Variants in PCDH7 observed in about 807,000 individuals in gnomAD.
PCDH7 encodes the protein protocadherin-7.
In PCDH7, 17 loss-of-function variants were observed where a neutral mutation model predicts 58.9. The ratio of observed to expected loss-of-function variants is 0.29; its 90% CI spans 0.20 to 0.43. The LOEUF (loss-of-function observed/expected upper bound fraction) is 0.43, where lower values mean the gene tolerates loss of function less well. Ranked by LOEUF, PCDH7 falls within the 20% of genes least tolerant of loss-of-function variation. The pLI is 1.00. For synonymous variants in PCDH7, 664 were observed against 616.4 expected, an observed-to-expected ratio of 1.08 and a Z score of -1.14; for missense variants, 1,274 against 1,441.0, an observed-to-expected ratio of 0.88 and a Z score of 1.88.
intron 3 of PCDH7, among the ~76,000 whole-genome samples, chr4:31,109,462 T>C (rs1716013882): frequency 6.6e-6 from 1 of 152,248 alleles, no homozygotes. Context: ...TGTAAGAGGA[T>C]AAAGTCAAGT....
intron 3 of PCDH7, among the ~76,000 whole-genome samples, chr4:30,967,315 G>A (rs1749082916): frequency 6.6e-6 from 1 of 152,096 alleles, no homozygotes; most frequent in Non-Finnish European, 1.5e-5. Flanking sequence ...TTATAAAAGA[G>A]CCTAATAGCT....
chr4:30,999,602 A>G lies in PCDH7; in HGVS notation c.*7+49387A>G, dbSNP rs748012187. 2.4e-4 allele frequency among the ~76,000 whole-genome samples: 36 copies of G among 152,148 alleles called. 2 individuals carry two copies. The highest frequency in any genetic ancestry group is 1.8e-3 in the Admixed American group (28 of 15,266). On this transcript the variant is annotated intron_variant, in intron 3 of 3. Coordinates refer to the PCDH7 transcript ENST00000509759. ...AAAAATAGTTACTAAGGGAGTGCAGAAAAATGAGCAAGGGCCTTTTGTAAA... is the reference window on the plus strand; with the variant it reads ...AAAAATAGTTACTAAGGGAGTGCAGGAAAATGAGCAAGGGCCTTTTGTAAA...
chr4:30,752,109 C>T (rs1182751275), intron 1 of PCDH7, among the ~76,000 whole-genome samples: 1 of 151,920 alleles, frequency 6.6e-6, no homozygotes, highest in Non-Finnish European at 1.5e-5. Flanking sequence ...CTTTGCTTTT[C>T]TTTATTACTT....
chr4:30,776,508 G>GT (rs1207403909), intron 1 of PCDH7, among the ~76,000 whole-genome samples: 1 of 152,210 alleles, frequency 6.6e-6, no homozygotes, highest in Non-Finnish European at 1.5e-5. Flanking sequence ...AGAGATGACA[G>GT]TTTTGTCAAA....
intron 1 of PCDH7, among the ~76,000 whole-genome samples, chr4:30,799,927 C>A (rs1725307584): frequency 6.6e-6 from 1 of 151,484 alleles, no homozygotes; most frequent in Non-Finnish European, 1.5e-5. Context: ...AATCTTGGCT[C>A]ACTGCAACCT....
Position 30,722,799 on chromosome 4 carries a change from C to T in PCDH7, c.1377C>T (p.Thr459=). 4 of 1,613,674 alleles carry T rather than the reference C, an allele frequency of 2.5e-6. No homozygotes were observed. The highest frequency in any genetic ancestry group is 3.4e-6 in the Non-Finnish European group (4 of 1,180,040). ...ACCAAGGCGAGAACGGGGTGGTCAC[C>T]TGCACCGTGGTGGGCGACGTGCCCT... The change falls in exon 1 of 2, where the codon ACC becomes ACT. Residue 459 remains threonine (T), a synonymous_variant. Transcript: ENST00000361762. The surrounding 1 kb of genome is among the most constrained non-coding windows in gnomAD (Gnocchi z 7.6).
At chr4:31,054,252 C>T (rs1381095599) in intron 3 of PCDH7, among the ~76,000 whole-genome samples, 5 of 152,174 alleles carry the variant, frequency 3.3e-5, no homozygotes, top group African/African-American at 1.2e-4. Flanking sequence ...TGGCTTAAGC[C>T]ACCACGTCCG....
chr4:31,110,021 A>G lies in PCDH7; in HGVS notation c.*8-32452A>G, dbSNP rs111686877. ...AATCAGAAATGGAAAGTATACCTAGAACACCATAAGAATAGCATTTACTAA... is the reference window on the plus strand; with the variant it reads ...AATCAGAAATGGAAAGTATACCTAGGACACCATAAGAATAGCATTTACTAA... On this transcript the variant is annotated intron_variant, in intron 3 of 3. Coordinates refer to the PCDH7 transcript ENST00000509759. 8.5e-3 allele frequency among the ~76,000 whole-genome samples: 1,296 copies of G among 152,338 alleles called. 7 individuals are homozygous for G. Among genetic ancestry groups the G allele is most frequent in the South Asian group, 0.018 (89 of 4,826 alleles).
chr4:31,097,637 T>A lies in PCDH7; in HGVS notation c.*8-44836T>A, dbSNP rs1190529824. Among the ~76,000 whole-genome samples the A allele has an allele frequency of 5.9e-4, 53 of 89,290 alleles. 1 individual carries two copies. Among genetic ancestry groups the A allele is most frequent in the Non-Finnish European group, 8.5e-4 (41 of 48,396 alleles). 58.6% of individuals were successfully genotyped at this position (89,290 alleles called of 152,430 possible). A position where few individuals can be genotyped will look rare whatever the true frequency, so the allele number is the denominator to read the frequency against. On this transcript the variant is annotated intron_variant, in intron 3 of 3. Transcript: ENST00000509759. The stretch of plus-strand genomic sequence containing the variant: ...ATATATATATATATATATATATATA[T>A]AAATCTTTTTTCTGTAATTTCTGTA...
At chr4:30,749,668 A>G (rs764697344) in intron 1 of PCDH7, among the ~76,000 whole-genome samples, 14 of 152,186 alleles carry the variant, frequency 9.2e-5, no homozygotes, top group Non-Finnish European at 1.9e-4. Context: ...TATCACTTAC[A>G]TTTCATGTTA....
chr4:30,966,964 T>A (rs1749052660), intron 3 of PCDH7, among the ~76,000 whole-genome samples: 2 of 152,146 alleles, frequency 1.3e-5, no homozygotes, highest in Non-Finnish European at 2.9e-5. Context: ...ATGCCTCAGT[T>A]TCCTTATTGC....
intron 3 of PCDH7, among the ~76,000 whole-genome samples, chr4:31,047,384 T>C (rs148875312): frequency 6.6e-6 from 1 of 152,200 alleles, no homozygotes; most frequent in East Asian, 1.9e-4. Flanking sequence ...TTCATCTTTT[T>C]TGTTTTTAAA....
intron 1 of PCDH7, among the ~76,000 whole-genome samples, chr4:30,727,632 C>G (rs1018853549): frequency 1.4e-4 from 21 of 151,966 alleles, no homozygotes; most frequent in Admixed American, 8.5e-4. Context: ...GATTAAGTAT[C>G]CACCTTTCTG....
At chr4:30,724,485 A>G (rs1714325332) in exon 1 of PCDH7, 6 of 1,614,190 alleles carry the variant, frequency 3.7e-6, no homozygotes, top group Middle Eastern at 1.6e-4. Flanking sequence ...ACCAGGCCGT[A>G]CAAGATCTAC....
chr4:31,071,269 C>T (rs1254351328), intron 3 of PCDH7, among the ~76,000 whole-genome samples: 2 of 151,988 alleles, frequency 1.3e-5, no homozygotes, highest in African/African-American at 4.8e-5. Flanking sequence ...AACCCAAAAA[C>T]CCATAGTCTC....
intron 1 of PCDH7, among the ~76,000 whole-genome samples, chr4:30,898,984 C>A (rs2109392644): frequency 6.6e-6 from 1 of 151,810 alleles, no homozygotes. Flanking sequence ...GGATCTTAAC[C>A]AGCATTTTAA....
intron 1 of PCDH7, among the ~76,000 whole-genome samples, chr4:30,916,429 C>G (rs1487502194): frequency 6.6e-6 from 1 of 152,154 alleles, no homozygotes; most frequent in Non-Finnish European, 1.5e-5. Flanking sequence ...CATACCTCAT[C>G]CACAGGTTTT....
rs147522431 is a variant in PCDH7 at position 30,932,498 on chromosome 4, C to A, written c.287+12129C>A. Among the ~76,000 whole-genome samples, 185 of 152,248 alleles carry A rather than the reference C, an allele frequency of 1.2e-3. 2 individuals carry two copies. The highest frequency in any genetic ancestry group is 3.7e-3 in the African/African-American group (154 of 41,550). The stretch of plus-strand genomic sequence containing the variant: ...TATAAGCACTATATCGATAAAAAGT[C>A]TTCCAGTTCAAGATAATCTAAACAA... On this transcript the variant is annotated intron_variant, in intron 2 of 3. Transcript: ENST00000509759.
rs1022094476 is a variant in PCDH7, at chr4:30,802,538, A to C, written c.70+77942A>C. On this transcript the variant is annotated intron_variant, in intron 1 of 3. Transcript: ENST00000509759. ...CAGAGGCAGGAAGGAGTGGAATCAA[A>C]AAGTCAGATGGACAAAAGAATAAGG... is the stretch of plus-strand genomic sequence containing the variant. Among the ~76,000 whole-genome samples, 13 of 152,146 alleles carry C rather than the reference A, an allele frequency of 8.5e-5. 1 individual carries two copies. The highest frequency in any genetic ancestry group is 8.5e-4 in the Admixed American group (13 of 15,268).
Sources: allele counts gnomAD v4.1 joint callset (sites outside exome capture counted in the v4.1 genomes callset), GRCh38; gene constraint gnomAD v4.1.1; non-coding constraint Gnocchi (gnomAD v3.1); transcripts MANE v1.5; gene names NCBI Gene and HGNC (gene_info 2026-07-23, HGNC 2026-07-21).